The following KCTD8 variants were observed in gnomAD, a reference collection of about 807,000 sequenced individuals.
KCTD8 encodes the protein potassium channel tetramerization domain containing 8.
KCTD8 carries 27 observed loss-of-function variants against 31.5 expected under a neutral mutation model. The ratio of observed to expected loss-of-function variants is 0.86; its 90% CI spans 0.63 to 1.18. The LOEUF is 1.18. Among genes scored for constraint, KCTD8 ranks in the 50% most tolerant of loss-of-function variants. KCTD8 has a pLI of 0.00. For missense variants in KCTD8, 658 were observed against 647.7 expected, an observed-to-expected ratio of 1.02 and a Z score of -0.17; for synonymous variants, 290 against 280.0, an observed-to-expected ratio of 1.04 and a Z score of -0.36.
At chr4:44,442,982 G>C (rs963624777) in intron 1 of KCTD8, among the ~76,000 whole-genome samples, 5 of 152,168 alleles carry the variant, frequency 3.3e-5, no homozygotes, top group Admixed American at 1.3e-4. Flanking sequence ...ACAGAATTAT[G>C]CCAGATATAA....
At chr4:44,391,125 T>C (rs760790955) in intron 1 of KCTD8, among the ~76,000 whole-genome samples, 1 of 151,910 alleles carries the variant, frequency 6.6e-6, no homozygotes, top group Non-Finnish European at 1.5e-5. Context: ...GGAGCTAAGC[T>C]ATGAAGATGT....
intron 1 of KCTD8, among the ~76,000 whole-genome samples, chr4:44,316,164 A>G (rs941364170): frequency 1.3e-5 from 2 of 151,704 alleles, no homozygotes; most frequent in African/African-American, 4.8e-5. Flanking sequence ...CTTTCAGATT[A>G]CTTATTGCTA....
intron 1 of KCTD8, among the ~76,000 whole-genome samples, chr4:44,332,111 G>A (rs1343405495): frequency 6.6e-6 from 1 of 151,840 alleles, no homozygotes; most frequent in Non-Finnish European, 1.5e-5. Flanking sequence ...AATGCTCTAA[G>A]TAATCAGAGG....
At chr4:44,411,779 A>T (rs918841926) in intron 1 of KCTD8, among the ~76,000 whole-genome samples, 1 of 152,030 alleles carries the variant, frequency 6.6e-6, no homozygotes, top group Non-Finnish European at 1.5e-5. Flanking sequence ...AGAGGCAGGG[A>T]TCGGAGTGCT....
At chr4:44,312,245 G>T (rs1180671905) in intron 1 of KCTD8, among the ~76,000 whole-genome samples, 1 of 151,942 alleles carries the variant, frequency 6.6e-6, no homozygotes, top group African/African-American at 2.4e-5. Context: ...GCACATTTAG[G>T]TGCTCACCAA....
At position 44,372,748 on chromosome 4, in the gene KCTD8, T is replaced by TA. The variant is rs1475337777; in HGVS notation, c.961+74814dup. On this transcript the variant is annotated intron_variant, in intron 1 of 1. Coordinates refer to ENST00000360029, the MANE Select transcript of KCTD8 (RefSeq NM_198353.3). ...TCTTTCCAGGCAGAGATTTGTGTCT[T>TA]AATTTATGCTTATGCAAATCAGGCC... 2.0e-5 allele frequency among the ~76,000 whole-genome samples: 3 copies of TA among 152,212 alleles called. No homozygotes were observed. The East Asian group carries it at 5.8e-4, about 29-fold the overall frequency.
intron 1 of KCTD8, among the ~76,000 whole-genome samples, chr4:44,323,822 A>G (rs945584862): frequency 1.1e-4 from 17 of 152,064 alleles, no homozygotes; most frequent in South Asian, 4.1e-4. Context: ...TGATTGATAT[A>G]CAAGCCAGAA....
chr4:44,263,671 G>A (rs1716249030), intron 1 of KCTD8, among the ~76,000 whole-genome samples: 1 of 152,098 alleles, frequency 6.6e-6, no homozygotes, highest in African/African-American at 2.4e-5. Flanking sequence ...TTTAAAATAT[G>A]GAAAGCTGTT....
intron 1 of KCTD8, among the ~76,000 whole-genome samples, chr4:44,426,134 C>T (rs1721339888): frequency 6.6e-6 from 1 of 150,656 alleles, no homozygotes; most frequent in South Asian, 2.1e-4. Context: ...ATGTATGATA[C>T]ATTTGTAAGG....
chr4:44,268,556 G>A (rs1716468289), intron 1 of KCTD8, among the ~76,000 whole-genome samples: 1 of 151,968 alleles, frequency 6.6e-6, no homozygotes, highest in Admixed American at 6.6e-5. Flanking sequence ...CAATTAGGCA[G>A]GAGAAGGAAA....
intron 1 of KCTD8, among the ~76,000 whole-genome samples, chr4:44,205,116 A>G (rs1714265034): frequency 1.3e-5 from 2 of 152,066 alleles, no homozygotes; most frequent in Admixed American, 1.3e-4. Context: ...TATACATGCA[A>G]TGCAAGACTA....
intron 1 of KCTD8, among the ~76,000 whole-genome samples, chr4:44,410,683 G>A (rs1720931972): frequency 2.0e-5 from 3 of 152,092 alleles, no homozygotes. Flanking sequence ...TTATGTGGAT[G>A]ATGGCAGGCA....
At chr4:44,432,258 A>T (rs995784154) in intron 1 of KCTD8, among the ~76,000 whole-genome samples, 30 of 151,576 alleles carry the variant, frequency 2.0e-4, no homozygotes, top group Non-Finnish European at 3.4e-4. Context: ...ATCCTACAAC[A>T]TAGATATAAT....
rs34459205 is a variant in KCTD8 at position 44,272,121 on chromosome 4, T to TTATATATATATATATATATATA, written c.962-96872_962-96871insTATATATATATATATATATATA. ...ATCAATAAATACCCATGGTATTATATTATATATATATATATATATAAATGC... is the reference window on the plus strand; with the variant it reads ...ATCAATAAATACCCATGGTATTATATTATATATATATATATATATATATATATATATATATATATATAAATGC... On this transcript the variant is annotated intron_variant, in intron 1 of 1. Coordinates refer to ENST00000360029, the MANE Select transcript of KCTD8 (RefSeq NM_198353.3). 3.1e-3 allele frequency among the ~76,000 whole-genome samples: 442 copies of TTATATATATATATATATATATA among 142,380 alleles called. 11 individuals carry two copies. Among genetic ancestry groups the TTATATATATATATATATATATA allele is most frequent in the African/African-American group, 0.012 (423 of 36,454 alleles). 93.4% of individuals were successfully genotyped at this position (142,380 alleles called of 152,430 possible). A position where few individuals can be genotyped will look rare whatever the true frequency, so the allele number is the denominator to read the frequency against.
intron 1 of KCTD8, among the ~76,000 whole-genome samples, chr4:44,194,610 A>G (rs1713875777): frequency 6.6e-6 from 1 of 152,200 alleles, no homozygotes. Context: ...CACAGAATTC[A>G]CAGAGATGAA....
intron 1 of KCTD8, among the ~76,000 whole-genome samples, chr4:44,249,253 T>C (rs920535794): frequency 6.6e-6 from 1 of 151,846 alleles, no homozygotes; most frequent in Admixed American, 6.6e-5. Context: ...TGATTAAATA[T>C]ATGTTTTCCT....
intron 1 of KCTD8, among the ~76,000 whole-genome samples, chr4:44,364,666 A>G (rs1238289357): frequency 6.6e-6 from 1 of 152,160 alleles, no homozygotes; most frequent in Admixed American, 6.6e-5. Context: ...AGCAACCAAG[A>G]TGTCCTTTAA....
At chr4:44,229,735 T>C (rs1162956888) in intron 1 of KCTD8, among the ~76,000 whole-genome samples, 2 of 152,148 alleles carry the variant, frequency 1.3e-5, no homozygotes, top group Non-Finnish European at 2.9e-5. Context: ...CCCTTTTAAA[T>C]GAAAACAAAC....
At chr4:44,226,014 G>A (rs13149887) in intron 1 of KCTD8, among the ~76,000 whole-genome samples, 3 of 151,888 alleles carry the variant, frequency 2.0e-5, no homozygotes, top group Non-Finnish European at 2.9e-5. Flanking sequence ...ATTTTTAGTA[G>A]AGATGGGGTT....
Sources: allele counts gnomAD v4.1 joint callset (sites outside exome capture counted in the v4.1 genomes callset), GRCh38; gene constraint gnomAD v4.1.1; transcripts MANE v1.5; gene names NCBI Gene and HGNC (gene_info 2026-07-23, HGNC 2026-07-21).